SLC25A51: variants seen among roughly 807,000 people sequenced by gnomAD.
The protein encoded by SLC25A51 is solute carrier family 25 member 51.
In SLC25A51, 11 loss-of-function variants were observed where a neutral mutation model predicts 19.1. The observed-to-expected ratio is 0.58, with a 90% confidence interval of 0.36 to 0.96. SLC25A51 has a LOEUF of 0.96. Among genes scored for constraint, SLC25A51 ranks in the 40% least tolerant of loss-of-function variants. SLC25A51 has a pLI of 0.01. For synonymous variants in SLC25A51, 105 were observed against 133.6 expected, an observed-to-expected ratio of 0.79 and a Z score of 1.47; for missense variants, 201 against 365.4, an observed-to-expected ratio of 0.55 and a Z score of 3.67.
At chr9:37,891,189 C>T (rs1006855098) in intron 2 of SLC25A51, among the ~76,000 whole-genome samples, 11 of 152,244 alleles carry the variant, frequency 7.2e-5, no homozygotes, top group Non-Finnish European at 1.5e-4. Context: ...AACATGTACA[C>T]AAAGATTCAG....
chr9:37,890,696 A>G (rs1342747088), intron 2 of SLC25A51, among the ~76,000 whole-genome samples: 1 of 103,872 alleles, frequency 9.6e-6, no homozygotes, highest in Non-Finnish European at 2.2e-5. Flanking sequence ...ACCCTGCTTT[A>G]AAAAAAAAAA....
chr9:37,886,071 T>C (rs1831449400), downstream of SLC25A51: 17 of 1,597,982 alleles, frequency 1.1e-5, no homozygotes, highest in South Asian at 1.9e-4. Context: ...GGGCTAAATT[T>C]TGGGACGGTG....
intron 1 of SLC25A51, among the ~76,000 whole-genome samples, chr9:37,903,142 A>C (rs1831892338): frequency 6.6e-6 from 1 of 152,196 alleles, no homozygotes; most frequent in South Asian, 2.1e-4. Flanking sequence ...CCAAAGCGGT[A>C]ACCTGTGCTC....
intron 2 of SLC25A51, among the ~76,000 whole-genome samples, chr9:37,889,471 T>C (rs557400781): frequency 6.6e-6 from 1 of 152,188 alleles, no homozygotes; most frequent in South Asian, 2.1e-4. Flanking sequence ...AGGTGTGGGA[T>C]GATGGGGGCA....
At chr9:37,889,762 C>A (rs1831539035) in intron 2 of SLC25A51, among the ~76,000 whole-genome samples, 1 of 148,704 alleles carries the variant, frequency 6.7e-6, no homozygotes, top group Non-Finnish European at 1.5e-5. Flanking sequence ...ATGATTGGAA[C>A]TAAGCCAAAG....
At chr9:37,879,406 T>C in exon 4 of SLC25A51, 1 of 184,284 alleles carries the variant, frequency 5.4e-6, no homozygotes, top group Non-Finnish European at 1.3e-5. Flanking sequence ...GATATTTGGA[T>C]TAAACAACCA....
At chr9:37,884,477 TAAAA>T (rs1484376184), downstream of SLC25A51, among the ~76,000 whole-genome samples, 1 of 152,102 alleles carries the variant, frequency 6.6e-6, no homozygotes, top group Non-Finnish European at 1.5e-5. Context: ...TTTCCAAGAG[TAAAA>T]TAAAAGACAG....
chr9:37,897,408 C>T (rs1477974430), intron 2 of SLC25A51, among the ~76,000 whole-genome samples: 2 of 151,844 alleles, frequency 1.3e-5, no homozygotes, highest in East Asian at 1.9e-4. Flanking sequence ...AACTAGTTTT[C>T]GTTTGCATAA....
At chr9:37,885,342 T>TAAA (rs60095173), downstream of SLC25A51, among the ~76,000 whole-genome samples, 424 of 99,256 alleles carry the variant, frequency 4.3e-3, 12 homozygotes, top group African/African-American at 7.3e-3. Flanking sequence ...TAGGTAATGA[T>TAAA]AAAAAAAAAA....
chr9:37,901,594 T>A (rs769815220), intron 1 of SLC25A51, among the ~76,000 whole-genome samples: 4 of 152,206 alleles, frequency 2.6e-5, no homozygotes, highest in Non-Finnish European at 5.9e-5. Flanking sequence ...TGGCATTTTG[T>A]CTTAACTATG....
rs115932962 is a variant in SLC25A51, at chr9:37,892,247, T to G, written c.-42-3655A>C. On this transcript the variant is annotated intron_variant, in intron 2 of 2. Transcript: ENST00000242275. ...AGCAGGAGGTCATTAATCAGCTGTCTGGAGAGAATGACAGGCAGGACATGA... is the reference window on the plus strand; with the variant it reads ...AGCAGGAGGTCATTAATCAGCTGTCGGGAGAGAATGACAGGCAGGACATGA... Among the ~76,000 whole-genome samples, 1,190 of 152,332 alleles carry G rather than the reference T, an allele frequency of 7.8e-3. 12 individuals carry two copies. Among genetic ancestry groups the G allele is most frequent in the African/African-American group, 0.027 (1,118 of 41,576 alleles).
chr9:37,894,427 A>G (rs1287446204), intron 2 of SLC25A51, among the ~76,000 whole-genome samples: 2 of 151,492 alleles, frequency 1.3e-5, no homozygotes, highest in East Asian at 3.9e-4. Flanking sequence ...CCTGGGTTCA[A>G]CTGATTCTCC....
At chr9:37,886,127 AC>A, downstream of SLC25A51, 1 of 1,440,878 alleles carries the variant, frequency 6.9e-7, no homozygotes, top group Non-Finnish European at 9.8e-7. Flanking sequence ...CAAAGTGAGC[AC>A]ATCACCCCTC....
rs565749472 is a variant in SLC25A51 at position 37,887,800 on chromosome 9, G to T, written c.751C>A (p.Pro251Thr). Reference sequence around the variant, plus strand: ...AGCCAGATTTTTTGGAAAACCTTGGGGAAAGACTGAAATTCCCCACCAATC... The same window carrying T: ...AGCCAGATTTTTTGGAAAACCTTGGTGAAAGACTGAAATTCCCCACCAATC... Reference protein sequence around the residue: ...SQIGGEFQSFPKVFQKIWLER... With the variant: ...SQIGGEFQSFTKVFQKIWLER... The change falls in exon 3 of 3, where the codon CCC (proline) becomes ACC (threonine). Residue 251 changes from proline to threonine, a missense_variant. Coordinates refer to ENST00000242275, the MANE Select transcript of SLC25A51 (RefSeq NM_033412.4). 1.6e-5 allele frequency: 26 copies of T among 1,613,584 alleles called. No individual in the cohort carries two copies. The African/African-American group carries it at 2.8e-4, about 17-fold the overall frequency.
At chr9:37,888,770 CA>C (rs1164838942) in intron 2 of SLC25A51, among the ~76,000 whole-genome samples, 178 bp from the exon 3 acceptor site, 1 of 152,178 alleles carries the variant, frequency 6.6e-6, no homozygotes, top group East Asian at 1.9e-4. Flanking sequence ...TTTGGGAGTC[CA>C]GGAGATTTTC....
At chr9:37,890,885 C>T (rs1008724531) in intron 2 of SLC25A51, among the ~76,000 whole-genome samples, 2 of 152,024 alleles carry the variant, frequency 1.3e-5, no homozygotes, top group East Asian at 1.9e-4. Flanking sequence ...AACAAAAAAC[C>T]GTCTAGGTCT....
intron 1 of SLC25A51, among the ~76,000 whole-genome samples, chr9:37,902,243 T>G (rs1233825225): frequency 6.6e-6 from 1 of 152,214 alleles, no homozygotes; most frequent in Non-Finnish European, 1.5e-5. Flanking sequence ...TTTCTGAAAT[T>G]TTGCAAATAA....
intron 2 of SLC25A51, among the ~76,000 whole-genome samples, chr9:37,898,865 C>T (rs193124111): frequency 1.3e-5 from 2 of 152,338 alleles, no homozygotes; most frequent in East Asian, 3.9e-4. Flanking sequence ...CTTCCCACCG[C>T]CAATAACTCA....
downstream of SLC25A51, chr9:37,879,149 GA>G: frequency 3.0e-6 from 1 of 336,228 alleles, no homozygotes. Context: ...TAAAGGACCA[GA>G]AGAAATGCTG....
Sources: gnomAD v4.1 joint callset for allele counts (sites outside exome capture counted in the v4.1 genomes callset) on GRCh38, gnomAD v4.1.1 for gene constraint, MANE v1.5 for transcripts, NCBI Gene and HGNC (gene_info 2026-07-23, HGNC 2026-07-21) for gene names.